The following VIT variants were observed in gnomAD, a reference collection of about 807,000 sequenced individuals.
The protein encoded by VIT is vitrin.
In VIT, 99 loss-of-function variants were observed where a neutral mutation model predicts 78.0. The ratio of observed to expected loss-of-function variants is 1.27; its 90% CI spans 1.08 to 1.50. The LOEUF (loss-of-function observed/expected upper bound fraction) is 1.50, where lower values mean the gene tolerates loss of function less well. VIT is among the 40% of genes most tolerant of loss of function. The pLI, the probability that VIT is intolerant of heterozygous loss-of-function variation, is 0.00. For synonymous variants in VIT, 374 were observed against 334.3 expected, an observed-to-expected ratio of 1.12 and a Z score of -1.29; for missense variants, 1,126 against 875.3, an observed-to-expected ratio of 1.29 and a Z score of -3.61.
At chr2:36,715,075 T>C (rs1261381238) in intron 1 of VIT, among the ~76,000 whole-genome samples, 7 of 152,208 alleles carry the variant, frequency 4.6e-5, no homozygotes, top group Admixed American at 1.3e-4. Context: ...TTCTTCAAAG[T>C]TGACCCAGTT....
In VIT at chr2:36,794,603, A is replaced by G. The variant is rs183467296; in HGVS notation, c.1059-6698A>G. 1.1e-4 allele frequency among the ~76,000 whole-genome samples: 17 copies of G among 152,334 alleles called. No homozygotes were observed. In the East Asian group the frequency reaches 3.3e-3, roughly 29 times the overall value. On this transcript the variant is annotated intron_variant, in intron 12 of 15. Coordinates refer to ENST00000379242, the MANE Select transcript of VIT (RefSeq NM_053276.4). Reference sequence around the variant, plus strand: ...AACAAATATTTCTTAAATGTTTGCCATGTACTGCGCCCTTGGTCATTTGTG... The same window carrying G: ...AACAAATATTTCTTAAATGTTTGCCGTGTACTGCGCCCTTGGTCATTTGTG...
At position 36,784,905 on chromosome 2, in the gene VIT, C is replaced by A. The variant is rs143652037; in HGVS notation, c.910+1503C>A. 3.7e-3 allele frequency among the ~76,000 whole-genome samples: 562 copies of A among 152,236 alleles called. 7 individuals are homozygous for A. Among genetic ancestry groups the A allele is most frequent in the African/African-American group, 0.013 (544 of 41,538 alleles). On this transcript the variant is annotated intron_variant, in intron 11 of 15. Coordinates refer to ENST00000379242, the MANE Select transcript of VIT (RefSeq NM_053276.4). ...GAACCATTGTCATTTAAAAGAGGAG[C>A]AAAAGTAACCGTGGTATCAGCCATC...
intron 9 of VIT, among the ~76,000 whole-genome samples, chr2:36,776,158 C>A (rs906878427): frequency 5.9e-5 from 9 of 152,212 alleles, no homozygotes; most frequent in African/African-American, 2.2e-4. Context: ...GTGGGTGGCA[C>A]TATTAGACGT....
chr2:36,792,800 C>T (rs1366133407), intron 12 of VIT, among the ~76,000 whole-genome samples: 1 of 152,202 alleles, frequency 6.6e-6, no homozygotes, highest in Non-Finnish European at 1.5e-5. Context: ...GTCCAGAGGG[C>T]TGGGGGAGCT....
intron 1 of VIT, among the ~76,000 whole-genome samples, chr2:36,698,801 A>G (rs1664833909): frequency 6.6e-6 from 1 of 151,978 alleles, no homozygotes; most frequent in Admixed American, 6.6e-5. Context: ...AAAATTAGCC[A>G]GGCATGATGG....
In VIT at chr2:36,808,483, A is replaced by G; in HGVS notation, c.1401A>G (p.Arg467=). ...CCTCTGTCTTCTAGGCCGTGTGCAGAACAAACGGCTTCTACTCGCTCCACG... is the reference window on the plus strand; with the variant it reads ...CCTCTGTCTTCTAGGCCGTGTGCAGGACAAACGGCTTCTACTCGCTCCACG... ...EPNFANKAVC[R]TNGFYSLHVQ... The change falls in exon 15 of 16, where the codon AGA becomes AGG. Residue 467 remains arginine, a synonymous_variant. Coordinates refer to ENST00000379242, the MANE Select transcript of VIT (RefSeq NM_053276.4). 1 of 1,608,384 alleles carries G rather than the reference A, an allele frequency of 6.2e-7. No homozygotes were observed. The highest frequency in any genetic ancestry group is 1.1e-5 in the South Asian group (1 of 90,874).
At chr2:36,776,598 C>G (rs950866324) in intron 9 of VIT, among the ~76,000 whole-genome samples, 1 of 151,040 alleles carries the variant, frequency 6.6e-6, no homozygotes, top group South Asian at 2.1e-4. Flanking sequence ...CTCAAGAGTT[C>G]GAGACGAGTT....
At chr2:36,708,542 G>A (rs1665597703) in intron 1 of VIT, among the ~76,000 whole-genome samples, 1 of 152,122 alleles carries the variant, frequency 6.6e-6, no homozygotes, top group African/African-American at 2.4e-5. Context: ...TCTCCCTGTT[G>A]CCTAAAGGAT....
Position 36,808,813 on chromosome 2 carries a change from C to G in VIT, c.1731C>G (p.Ile577Met), listed in dbSNP as rs1267412466. 1 of 1,614,174 alleles carries G rather than the reference C, an allele frequency of 6.2e-7. No individual in the cohort carries two copies. Among genetic ancestry groups the G allele is most frequent in the South Asian group, 1.1e-5 (1 of 91,088 alleles). The change falls in exon 15 of 16, where the codon ATC becomes ATG. Residue 577 changes from isoleucine (I) to methionine (M), a missense_variant. Physicochemically the swap from Ile to Met is conservative, Grantham distance 10. Transcript: ENST00000379242. ...YSSKPDILNA[I>M]KRVGYWSGGT... ...GCAAGCCTGACATCCTCAACGCCAT[C>G]AAGAGGGTGGGCTACTGGAGTGGTG...
At chr2:36,728,007 C>A (rs1056055810) in intron 2 of VIT, among the ~76,000 whole-genome samples, 7 of 152,112 alleles carry the variant, frequency 4.6e-5, no homozygotes, top group Non-Finnish European at 8.8e-5. Context: ...CGGCTCACTG[C>A]AATTTCTGCC....
intron 3 of VIT, among the ~76,000 whole-genome samples, chr2:36,730,787 G>T (rs891197331): frequency 6.6e-6 from 1 of 152,214 alleles, no homozygotes; most frequent in African/African-American, 2.4e-5. Context: ...GCAGAGAGGG[G>T]ACATGAGGGG....
At chr2:36,810,750 C>G (rs933832604) in intron 15 of VIT, among the ~76,000 whole-genome samples, 1 of 151,994 alleles carries the variant, frequency 6.6e-6, no homozygotes, top group South Asian at 2.1e-4. Context: ...TCTTCTGGCT[C>G]AGCCTCCCGA....
intron 2 of VIT, among the ~76,000 whole-genome samples, chr2:36,726,788 C>T (rs370679265): frequency 8.0e-5 from 11 of 137,278 alleles, no homozygotes; most frequent in South Asian, 2.5e-4. Context: ...TACTGCACTC[C>T]GGCATGGGCA....
chr2:36,709,402 T>G (rs1293716408), intron 1 of VIT, among the ~76,000 whole-genome samples: 3 of 152,156 alleles, frequency 2.0e-5, no homozygotes, highest in Non-Finnish European at 4.4e-5. Flanking sequence ...TTGTGAAGAT[T>G]AAATGAGTTA....
chr2:36,770,550 G>C (rs1057355096), intron 7 of VIT, among the ~76,000 whole-genome samples: 3 of 152,186 alleles, frequency 2.0e-5, no homozygotes, highest in African/African-American at 7.2e-5. Context: ...CAAGGCTGGG[G>C]GTAAGGGAGC....
intron 12 of VIT, among the ~76,000 whole-genome samples, chr2:36,799,038 T>C (rs1272308843): frequency 6.6e-6 from 1 of 152,254 alleles, no homozygotes; most frequent in Non-Finnish European, 1.5e-5. Flanking sequence ...TGGTGAAATT[T>C]CATCTATTTG....
chr2:36,733,795 T>C (rs1004287626), intron 3 of VIT, among the ~76,000 whole-genome samples: 6 of 152,184 alleles, frequency 3.9e-5, no homozygotes, highest in Non-Finnish European at 7.3e-5. Flanking sequence ...GCCTCTTATG[T>C]CTTACGTCTT....
At chr2:36,715,026 C>G (rs1403756814) in intron 1 of VIT, among the ~76,000 whole-genome samples, 1 of 152,174 alleles carries the variant, frequency 6.6e-6, no homozygotes, top group Non-Finnish European at 1.5e-5. Context: ...CCACTTGGAG[C>G]CACTTCTCTC....
intron 1 of VIT, among the ~76,000 whole-genome samples, chr2:36,713,695 C>G (rs1239818083): frequency 6.6e-6 from 1 of 152,152 alleles, no homozygotes; most frequent in Non-Finnish European, 1.5e-5. Flanking sequence ...TCTGGATAGA[C>G]TTTGAATATA....
Sources: gnomAD v4.1 joint callset for allele counts (sites outside exome capture counted in the v4.1 genomes callset) on GRCh38, gnomAD v4.1.1 for gene constraint, MANE v1.5 for transcripts, NCBI Gene and HGNC (gene_info 2026-07-23, HGNC 2026-07-21) for gene names.